ARIH2: variants seen among roughly 807,000 people sequenced by gnomAD.
ARIH2 encodes ariadne RBR E3 ubiquitin protein ligase 2.
A neutral mutation model predicts 79.8 loss-of-function variants in ARIH2; 12 were observed. That is an observed-to-expected ratio of 0.15 (90% CI 0.10 to 0.24). ARIH2 has a LOEUF of 0.24. Ranked by LOEUF, ARIH2 falls within the 10% of genes least tolerant of loss-of-function variation. The pLI is 1.00. For synonymous variants in ARIH2, 224 were observed against 213.9 expected (o/e 1.05, Z -0.41); for missense variants, 301 against 618.3 (o/e 0.49, Z 5.44).
chr3:48,931,794 A>C (rs527417357), intron 3 of ARIH2, among the ~76,000 whole-genome samples: 179 of 152,222 alleles, frequency 1.2e-3, no homozygotes, highest in Middle Eastern at 6.8e-3. Context: ...AGGCAGGTGG[A>C]TCACGAGGTC....
rs573328496 is a variant in ARIH2 at position 48,983,517 on chromosome 3, T to C, written c.*247T>C. 3 of 541,178 alleles carry C rather than the reference T, an allele frequency of 5.5e-6. No homozygotes were observed. Among genetic ancestry groups the C allele is most frequent in the East Asian group, 3.1e-5 (1 of 32,400 alleles). The allele number at this position is 541,178 out of a possible 1,614,324, so 33.5% of individuals were successfully genotyped here. On this transcript the variant is annotated 3_prime_UTR_variant, in exon 16 of 16. Coordinates refer to ENST00000356401, the MANE Select transcript of ARIH2 (RefSeq NM_006321.4). ...ACTTTTATTTCCCCCTGGATGGTTG[T>C]TGGGAGGGAGGGAAAGTGTTTTCTG...
intron 3 of ARIH2, 143 bp from the exon 4 acceptor site, chr3:48,961,469 C>A: frequency 3.9e-6 from 2 of 516,020 alleles, no homozygotes; most frequent in South Asian, 3.0e-5. Context: ...ACTTAAAAGA[C>A]AAAGCAGAGA....
intron 3 of ARIH2, among the ~76,000 whole-genome samples, chr3:48,938,223 A>G (rs1312890359): frequency 1.3e-5 from 2 of 152,196 alleles, no homozygotes; most frequent in Non-Finnish European, 2.9e-5. Flanking sequence ...AGAATACACC[A>G]AATTTTCTTT....
At chr3:48,978,459 GTGTGTGTA>G (rs1224657640) in intron 11 of ARIH2, among the ~76,000 whole-genome samples, 7 of 104,028 alleles carry the variant, frequency 6.7e-5, no homozygotes, top group African/African-American at 1.1e-4. Flanking sequence ...GTGTGTGTGT[GTGTGTGTA>G]TATATATATA....
intron 3 of ARIH2, chr3:48,948,986 G>T: frequency 2.4e-6 from 1 of 414,966 alleles, no homozygotes; most frequent in Non-Finnish European, 5.0e-6. Context: ...TTCTAATTTT[G>T]GGCTACTACG....
At position 48,968,602 on chromosome 3, in the gene ARIH2, A is replaced by G. The variant is rs1423230644; in HGVS notation, c.607A>G (p.Asn203Asp). The G allele has an allele frequency of 1.2e-6, 2 of 1,611,772 alleles. No homozygotes were observed. The highest frequency in any genetic ancestry group is 1.7e-6 in the Non-Finnish European group (2 of 1,178,382). ...PEDFVFPLLP[N>D]EELREKYRRY... ...GGACTTTGTGTTTCCATTGCTTCCC[A>G]ATGAAGAATTGAGAGAGAAATACAG... The change falls in exon 7 of 16, where the codon AAT becomes GAT. Residue 203 changes from asparagine to aspartate, a missense_variant. Coordinates refer to ENST00000356401, the MANE Select transcript of ARIH2 (RefSeq NM_006321.4).
At chr3:48,958,759 C>G (rs1469929073) in intron 3 of ARIH2, among the ~76,000 whole-genome samples, 1 of 152,006 alleles carries the variant, frequency 6.6e-6, no homozygotes, top group Non-Finnish European at 1.5e-5. Context: ...CACCTGTAAT[C>G]TCAGCACTTC....
At chr3:48,942,917 C>T (rs949781076) in intron 3 of ARIH2, among the ~76,000 whole-genome samples, 6 of 152,038 alleles carry the variant, frequency 3.9e-5, no homozygotes, top group African/African-American at 1.4e-4. Context: ...TCCCAAAGTG[C>T]TGGAATTACA....
chr3:48,953,558 C>T (rs967274384), intron 3 of ARIH2, among the ~76,000 whole-genome samples: 1 of 152,008 alleles, frequency 6.6e-6, no homozygotes, highest in Non-Finnish European at 1.5e-5. Flanking sequence ...TGCCTCACAA[C>T]GCCCGGCTAA....
intron 3 of ARIH2, among the ~76,000 whole-genome samples, chr3:48,939,350 C>T (rs1324514433): frequency 6.6e-6 from 1 of 151,908 alleles, no homozygotes; most frequent in Non-Finnish European, 1.5e-5. Context: ...ATCTGGGGGC[C>T]CTTGAGTCTG....
intron 6 of ARIH2, among the ~76,000 whole-genome samples, chr3:48,967,536 A>T (rs2107588074): frequency 6.6e-6 from 1 of 152,318 alleles, no homozygotes; most frequent in Admixed American, 6.5e-5. Context: ...TGGGAGAACG[A>T]TCCTTTAAGC....
At chr3:48,961,563 T>TA (rs1421504120) in intron 3 of ARIH2, 49 bp from the exon 4 acceptor site, 1 of 1,222,454 alleles carries the variant, frequency 8.2e-7, no homozygotes, top group East Asian at 2.3e-5. Flanking sequence ...CGAAACACTT[T>TA]AAAAGAAAAT....
chr3:48,957,784 C>T (rs1213106473), intron 3 of ARIH2, among the ~76,000 whole-genome samples: 2 of 152,188 alleles, frequency 1.3e-5, no homozygotes, highest in African/African-American at 4.8e-5. Flanking sequence ...GGCGCGATCT[C>T]AGCTCACTAC....
intron 9 of ARIH2, chr3:48,974,538 A>T (rs2092406274): frequency 1.9e-6 from 1 of 512,984 alleles, no homozygotes; most frequent in Non-Finnish European, 3.5e-6. Flanking sequence ...TGCTGATTCA[A>T]CTTGTGCTTA....
intron 5 of ARIH2, among the ~76,000 whole-genome samples, chr3:48,965,345 G>A (rs968702047): frequency 4.0e-5 from 6 of 151,896 alleles, no homozygotes; most frequent in Non-Finnish European, 8.8e-5. Flanking sequence ...GGGCGACAGA[G>A]CGAGACTCTG....
intron 3 of ARIH2, among the ~76,000 whole-genome samples, chr3:48,930,966 C>T (rs1432304502): frequency 1.3e-5 from 2 of 152,110 alleles, no homozygotes; most frequent in African/African-American, 4.8e-5. Context: ...ACTTGATTCT[C>T]ATGTCTGTGT....
intron 2 of ARIH2, among the ~76,000 whole-genome samples, chr3:48,923,206 CAA>C (rs924012562): frequency 1.5e-5 from 2 of 129,710 alleles, no homozygotes. Context: ...GACTCCGTCT[CAA>C]AAAAAAAAAA....
At chr3:48,928,235 G>C (rs965219462) in intron 3 of ARIH2, among the ~76,000 whole-genome samples, 3 of 152,170 alleles carry the variant, frequency 2.0e-5, no homozygotes, top group East Asian at 3.8e-4. Flanking sequence ...GGTTTGCCCT[G>C]AATAGTCATT....
At chr3:48,939,757 CAAAAAAA>C (rs1190260583) in intron 3 of ARIH2, among the ~76,000 whole-genome samples, 10 of 43,536 alleles carry the variant, frequency 2.3e-4, no homozygotes, top group African/African-American at 3.5e-4. Context: ...GACTCCATCT[CAAAAAAA>C]AAAAAAAAAA....
Sources: gnomAD v4.1 joint callset for allele counts (sites outside exome capture counted in the v4.1 genomes callset) on GRCh38, gnomAD v4.1.1 for gene constraint, MANE v1.5 for transcripts, NCBI Gene and HGNC (gene_info 2026-07-23, HGNC 2026-07-21) for gene names.